The following ANKHD1 variants were observed in gnomAD, a reference collection of about 807,000 sequenced individuals.
ANKHD1 encodes the protein ankyrin repeat and KH domain containing 1, also known as ankyrin repeat and KH domain-containing protein 1.
In ANKHD1, 31 loss-of-function variants were observed where a neutral mutation model predicts 230.5. The observed-to-expected ratio is 0.13, with a 90% CI of 0.10 to 0.18. ANKHD1 has a LOEUF of 0.18. ANKHD1 is among the 10% of genes least tolerant of loss of function. The pLI, the probability that ANKHD1 is intolerant of heterozygous loss-of-function variation, is 1.00. For missense variants in ANKHD1, 2,256 were observed against 3,071.3 expected (o/e 0.73, Z 6.27); for synonymous variants, 1,074 against 1,117.6 (o/e 0.96, Z 0.78).
intron 7 of ANKHD1, 61 bp downstream of exon 7, chr5:140,449,366 C>A: frequency 6.5e-7 from 1 of 1,544,564 alleles, no homozygotes; most frequent in Non-Finnish European, 8.8e-7. Context: ...TGTGTTTAAG[C>A]CTTTAAGAGT....
chr5:140,403,868 G>A (rs921708186), intron 1 of ANKHD1, among the ~76,000 whole-genome samples: 3 of 152,186 alleles, frequency 2.0e-5, no homozygotes, highest in African/African-American at 7.2e-5. Flanking sequence ...TTGGATTTGA[G>A]AGGAATAAGG....
Position 140,460,839 on chromosome 5 carries a change from G to T in ANKHD1, c.1672+1484G>T, listed in dbSNP as rs144999343. Reference sequence around the variant, plus strand: ...CCCGGCCTTAAACCAGATTGTGAATGGTTTGGATGATTTATGGTTTGGACA... The same window carrying T: ...CCCGGCCTTAAACCAGATTGTGAATTGTTTGGATGATTTATGGTTTGGACA... On this transcript the variant is annotated intron_variant, in intron 9 of 33. Coordinates refer to ENST00000360839, the MANE Select transcript of ANKHD1 (RefSeq NM_017747.3). Among the ~76,000 whole-genome samples the T allele has an allele frequency of 2.2e-4, 34 of 152,230 alleles. No individual in the cohort carries two copies. In the East Asian group the frequency reaches 4.6e-3, roughly 21 times the overall value.
chr5:140,526,175 C>A lies in ANKHD1; in HGVS notation c.4672C>A (p.His1558Asn). 6.2e-7 allele frequency: 1 copy of A among 1,613,690 alleles called. No individual in the cohort carries two copies. The highest frequency in any genetic ancestry group is 8.5e-7 in the Non-Finnish European group (1 of 1,179,958). The change falls in exon 26 of 34, where the codon CAT (histidine) becomes AAT (asparagine). Residue 1558 changes from histidine (H) to asparagine (N), a missense_variant. His to Asn is a moderately conservative substitution (Grantham distance 68). This residue lies in a region of ANKHD1 where 212 missense variants were observed against 257.3 expected (regional missense o/e 0.82). Coordinates refer to ENST00000360839, the MANE Select transcript of ANKHD1 (RefSeq NM_017747.3). Reference sequence around the variant, plus strand: ...AACAAAAGAAACCCCTCCTACAGCACATTTAATTTTACCAGAACAACATAT... The same window carrying A: ...AACAAAAGAAACCCCTCCTACAGCAAATTTAATTTTACCAGAACAACATAT... ...NKTKETPPTA[H>N]LILPEQHMSL...
chr5:140,454,153 A>G (rs1561746684), intron 7 of ANKHD1, among the ~76,000 whole-genome samples: 1 of 152,228 alleles, frequency 6.6e-6, no homozygotes, highest in Non-Finnish European at 1.5e-5. Context: ...TTCAACAAGA[A>G]GAGCTAACTA....
intron 10 of ANKHD1, among the ~76,000 whole-genome samples, chr5:140,473,085 G>C (rs543977026): frequency 6.7e-6 from 1 of 149,956 alleles, no homozygotes; most frequent in Non-Finnish European, 1.5e-5. Flanking sequence ...GAGTGCAGTG[G>C]TGCTGCAATC....
intron 1 of ANKHD1, among the ~76,000 whole-genome samples, chr5:140,425,752 T>C (rs1772357239): frequency 6.6e-6 from 1 of 152,246 alleles, no homozygotes; most frequent in African/African-American, 2.4e-5. Flanking sequence ...TTTGTCATTA[T>C]TTGGTGCTAA....
intron 1 of ANKHD1, among the ~76,000 whole-genome samples, chr5:140,432,234 T>TA (rs1413854925): frequency 6.6e-6 from 1 of 152,214 alleles, no homozygotes; most frequent in Non-Finnish European, 1.5e-5. Context: ...CAGACTCACT[T>TA]ACAGTCACTC....
At chr5:140,416,729 C>T (rs574182003) in intron 1 of ANKHD1, among the ~76,000 whole-genome samples, 1 of 152,000 alleles carries the variant, frequency 6.6e-6, no homozygotes. Flanking sequence ...AAGTGATCCT[C>T]CCACCTTGGC....
At chr5:140,492,665 AG>A (rs547054365) in intron 14 of ANKHD1, among the ~76,000 whole-genome samples, 80 of 152,302 alleles carry the variant, frequency 5.3e-4, no homozygotes, top group African/African-American at 1.6e-3. Flanking sequence ...TCATTCTAGT[AG>A]GGTGCTGTGT....
intron 22 of ANKHD1, among the ~76,000 whole-genome samples, chr5:140,511,974 G>A (rs557843918): frequency 6.6e-5 from 10 of 152,250 alleles, no homozygotes; most frequent in African/African-American, 2.2e-4. Context: ...GGTGGCTCAC[G>A]CCCATAATCC....
chr5:140,448,482 A>G (rs1049950378), intron 6 of ANKHD1, among the ~76,000 whole-genome samples: 2 of 152,284 alleles, frequency 1.3e-5, no homozygotes, highest in African/African-American at 2.4e-5. Flanking sequence ...GAAAGGTTCA[A>G]CCAATTTATA....
chr5:140,512,726 A>G, intron 22 of ANKHD1, 102 bp from the exon 23 acceptor site: 1 of 1,085,624 alleles, frequency 9.2e-7, no homozygotes, highest in Non-Finnish European at 1.3e-6. Context: ...TGCAAAATCA[A>G]GGGATTCCTT....
chr5:140,497,424 A>G, intron 15 of ANKHD1, 146 bp downstream of exon 15: 5 of 1,380,178 alleles, frequency 3.6e-6, no homozygotes, highest in Non-Finnish European at 4.8e-6. Context: ...TTGGAAGTGA[A>G]TTAACTATGC....
chr5:140,436,277 A>T lies in ANKHD1; in HGVS notation c.460+20A>T, dbSNP rs1256356269. 5.9e-6 allele frequency: 9 copies of T among 1,517,038 alleles called. No homozygotes were observed. The highest frequency in any genetic ancestry group is 7.9e-6 in the Non-Finnish European group (9 of 1,134,180). The allele number at this position is 1,517,038 out of a possible 1,614,324, so 94.0% of individuals were successfully genotyped here. On this transcript the variant is annotated intron_variant, in intron 2 of 33. Coordinates refer to ENST00000360839, the MANE Select transcript of ANKHD1 (RefSeq NM_017747.3). Reference sequence around the variant, plus strand: ...CAGCAGGTACTTTATTTTTTGTTTTATCTTTTTCATATCTTTAAAAGTCTA... The same window carrying T: ...CAGCAGGTACTTTATTTTTTGTTTTTTCTTTTTCATATCTTTAAAAGTCTA...
chr5:140,464,470 A>G (rs1775947085), intron 9 of ANKHD1, among the ~76,000 whole-genome samples, 197 bp from the exon 10 acceptor site: 1 of 152,220 alleles, frequency 6.6e-6, no homozygotes, highest in African/African-American at 2.4e-5. Flanking sequence ...ACTGTGTTTT[A>G]AAATCATTTG....
intron 1 of ANKHD1, among the ~76,000 whole-genome samples, chr5:140,435,299 T>C (rs1773351256): frequency 6.6e-6 from 1 of 152,124 alleles, no homozygotes; most frequent in South Asian, 2.1e-4. Flanking sequence ...GTTGTTGTTG[T>C]TGTTGTTTGT....
chr5:140,466,964 A>G (rs1776138365), intron 10 of ANKHD1, among the ~76,000 whole-genome samples: 1 of 152,042 alleles, frequency 6.6e-6, no homozygotes, highest in East Asian at 1.9e-4. Flanking sequence ...TCAGATAAAT[A>G]CATATCTTAA....
At chr5:140,511,327 C>A (rs892180993) in intron 22 of ANKHD1, among the ~76,000 whole-genome samples, 2 of 152,202 alleles carry the variant, frequency 1.3e-5, no homozygotes, top group Admixed American at 1.3e-4. Flanking sequence ...TTTCTAGTTA[C>A]TGGCCTAGAA....
intron 9 of ANKHD1, 105 bp from the exon 10 acceptor site, chr5:140,464,562 A>T: frequency 1.0e-6 from 1 of 979,432 alleles, no homozygotes; most frequent in South Asian, 2.8e-5. Flanking sequence ...ATGCATTTTG[A>T]TATTTTCACA....
Sources: gnomAD v4.1 joint callset for allele counts (sites outside exome capture counted in the v4.1 genomes callset) on GRCh38, gnomAD v4.1.1 for gene constraint, gnomAD v4.1.1 regional missense constraint, MANE v1.5 for transcripts, NCBI Gene and HGNC (gene_info 2026-07-23, HGNC 2026-07-21) for gene names.